The following SUMF1 variants were observed in gnomAD, a reference collection of about 807,000 sequenced individuals.
The protein encoded by SUMF1 is sulfatase modifying factor 1, also known as formylglycine-generating enzyme.
A neutral mutation model predicts 47.6 loss-of-function variants in SUMF1; 48 were observed. That is an observed-to-expected ratio of 1.01 (90% CI 0.80 to 1.28). The LOEUF (loss-of-function observed/expected upper bound fraction) is 1.28. Ranked by LOEUF, SUMF1 falls within the 50% of genes most tolerant of loss-of-function variation. The pLI is 0.00. For synonymous variants in SUMF1, 230 were observed against 192.1 expected, an observed-to-expected ratio of 1.20 and a Z score of -1.63; for missense variants, 571 against 485.4, an observed-to-expected ratio of 1.18 and a Z score of -1.66.
intron 5 of SUMF1, among the ~76,000 whole-genome samples, 166 bp from the exon 6 acceptor site, chr3:4,417,408 A>G (rs1200781498): frequency 1.3e-5 from 2 of 152,188 alleles, no homozygotes; most frequent in Non-Finnish European, 2.9e-5. Context: ...TTTATTTTCA[A>G]TTTCCTTATA....
At chr3:4,147,540 G>A (rs528968119) in intron 8 of SUMF1, among the ~76,000 whole-genome samples, 12 of 152,080 alleles carry the variant, frequency 7.9e-5, no homozygotes, top group African/African-American at 2.4e-4. Context: ...TACCAGAGCC[G>A]AGATAATAAA....
At chr3:4,463,811 T>C (rs868029675) in intron 1 of SUMF1, among the ~76,000 whole-genome samples, 1 of 152,210 alleles carries the variant, frequency 6.6e-6, no homozygotes, top group Non-Finnish European at 1.5e-5. Context: ...AAAAGCAGAC[T>C]AAAACATTTT....
chr3:4,184,151 AAAAAAAG>A (rs1483085919), intron 8 of SUMF1, among the ~76,000 whole-genome samples: 10 of 151,704 alleles, frequency 6.6e-5, no homozygotes, highest in African/African-American at 2.4e-4. Context: ...AAATTAAAAA[AAAAAAAG>A]AAAAAAGGCA....
chr3:4,190,189 GTTT>G (rs200279859), intron 8 of SUMF1, among the ~76,000 whole-genome samples: 1 of 141,964 alleles, frequency 7.0e-6, no homozygotes, highest in South Asian at 2.3e-4. Context: ...CTTATGGAGA[GTTT>G]TTTTTTTTTT....
chr3:4,247,094 T>C (rs1575016118), intron 8 of SUMF1, among the ~76,000 whole-genome samples: 1 of 152,198 alleles, frequency 6.6e-6, no homozygotes, highest in Non-Finnish European at 1.5e-5. Context: ...TCTGGAAATA[T>C]TAAAACACTA....
At position 4,467,010 on chromosome 3, in the gene SUMF1, G is replaced by C. The variant is rs1195859714; in HGVS notation, c.236C>G (p.Pro79Arg). 6.3e-7 allele frequency: 1 copy of C among 1,595,396 alleles called. No homozygotes were observed. Among genetic ancestry groups the C allele is most frequent in the African/African-American group, 1.3e-5 (1 of 74,574 alleles). Residue 79 changes from proline (P) to arginine (R), a missense_variant, in exon 1 of 9, where the codon CCC becomes CGC. By Grantham distance (103) the Pro-to-Arg change is moderately radical (BLOSUM62 -2). Coordinates refer to ENST00000272902, the MANE Select transcript of SUMF1 (RefSeq NM_182760.4). Reference sequence around the variant, plus strand: ...CGCGAGTTGCCGCTCTCCGGGTACGGGGCCCGGAGCGTTAGCCTCCCGCGA... The same window carrying C: ...CGCGAGTTGCCGCTCTCCGGGTACGCGGCCCGGAGCGTTAGCCTCCCGCGA... Reference protein sequence around the residue: ...RYSREANAPGPVPGERQLAHS... With the variant: ...RYSREANAPGRVPGERQLAHS...
chr3:4,302,465 C>T (rs1185770298), intron 8 of SUMF1, among the ~76,000 whole-genome samples: 1 of 116,788 alleles, frequency 8.6e-6, no homozygotes, highest in Non-Finnish European at 1.7e-5. Flanking sequence ...ATGAAGCCTC[C>T]AAGAGGTAAA....
chr3:4,459,596 A>G (rs182091536), intron 1 of SUMF1, among the ~76,000 whole-genome samples: 1 of 152,332 alleles, frequency 6.6e-6, no homozygotes, highest in African/African-American at 2.4e-5. Context: ...ATGATAAATT[A>G]GTAATAAATG....
intron 3 of SUMF1, among the ~76,000 whole-genome samples, chr3:4,442,510 C>G (rs528429506): frequency 4.0e-4 from 61 of 151,884 alleles, no homozygotes; most frequent in Admixed American, 1.2e-3. Context: ...CCGCCCGCCT[C>G]GGCCTCCCCA....
intron 8 of SUMF1, among the ~76,000 whole-genome samples, chr3:4,109,003 C>T (rs376643592): frequency 6.6e-6 from 1 of 152,074 alleles, no homozygotes; most frequent in African/African-American, 2.4e-5. Flanking sequence ...TTAGTTGATG[C>T]AGTTTCTTCC....
rs373640543 is a variant in SUMF1, at chr3:4,079,749, G to A, written c.1015-11004C>T. Among the ~76,000 whole-genome samples, 16 of 150,242 alleles carry A rather than the reference G, an allele frequency of 1.1e-4. 2 individuals are homozygous for A. Among genetic ancestry groups the A allele is most frequent in the Admixed American group, 1.3e-4 (2 of 15,028 alleles). The stretch of plus-strand genomic sequence containing the variant: ...ACATATTGATCTTAAGCAACTTGTC[G>A]TATCTGGCATGGGTCCTGGAGGTGA... On this transcript the variant is annotated intron_variant and NMD_transcript_variant, in intron 8 of 12. Coordinates refer to the SUMF1 transcript ENST00000448413.
At chr3:4,385,382 C>T (rs1344599741) in intron 7 of SUMF1, among the ~76,000 whole-genome samples, 1 of 152,090 alleles carries the variant, frequency 6.6e-6, no homozygotes, top group Non-Finnish European at 1.5e-5. Flanking sequence ...GTGCTAATGA[C>T]GTTGAGCATC....
intron 8 of SUMF1, among the ~76,000 whole-genome samples, chr3:4,115,062 C>T (rs1693390787): frequency 6.6e-6 from 1 of 151,998 alleles, no homozygotes; most frequent in Non-Finnish European, 1.5e-5. Context: ...CCCACCACAC[C>T]CGCCACTCTG....
At chr3:4,144,051 C>T (rs1478804592) in intron 8 of SUMF1, among the ~76,000 whole-genome samples, 2 of 149,808 alleles carry the variant, frequency 1.3e-5, no homozygotes, top group East Asian at 2.0e-4. Context: ...AGTGTAGTGG[C>T]CCGATCTCGG....
chr3:4,209,332 G>A (rs1051026710), intron 8 of SUMF1, among the ~76,000 whole-genome samples: 1 of 152,122 alleles, frequency 6.6e-6, no homozygotes, highest in African/African-American at 2.4e-5. Context: ...ACATCATGGA[G>A]AACAAAACAC....
chr3:4,242,326 G>A (rs1696556170), intron 8 of SUMF1, among the ~76,000 whole-genome samples: 1 of 152,146 alleles, frequency 6.6e-6, no homozygotes, highest in South Asian at 2.1e-4. Context: ...AATAGGAGTG[G>A]TGAGAGAGGG....
chr3:4,106,757 A>T (rs1019357304), intron 8 of SUMF1, among the ~76,000 whole-genome samples: 7 of 152,058 alleles, frequency 4.6e-5, no homozygotes, highest in Non-Finnish European at 8.8e-5. Flanking sequence ...AGGCAAAAAG[A>T]TCTATTCTTC....
chr3:4,113,829 C>T (rs989059110), intron 8 of SUMF1, among the ~76,000 whole-genome samples: 6 of 152,058 alleles, frequency 3.9e-5, no homozygotes, highest in African/African-American at 1.5e-4. Flanking sequence ...GGAACAATTA[C>T]TGAAAGTTAA....
intron 8 of SUMF1, among the ~76,000 whole-genome samples, chr3:4,094,687 G>T (rs985664961): frequency 6.6e-6 from 1 of 152,058 alleles, no homozygotes. Context: ...TGGTGAAGGG[G>T]TGCCAGCCTG....
Sources: allele counts gnomAD v4.1 joint callset (sites outside exome capture counted in the v4.1 genomes callset), GRCh38; gene constraint gnomAD v4.1.1; transcripts MANE v1.5; gene names NCBI Gene and HGNC (gene_info 2026-07-23, HGNC 2026-07-21).